The following SPATA6L variants were observed in gnomAD, a reference collection of about 807,000 sequenced individuals.
SPATA6L encodes spermatogenesis associated 6-like protein.
SPATA6L carries 68 observed loss-of-function variants against 49.2 expected under a neutral mutation model. The observed-to-expected ratio is 1.38, with a 90% CI of 1.14 to 1.69. SPATA6L has a LOEUF of 1.69. Ranked by LOEUF, SPATA6L falls within the 40% of genes most tolerant of loss-of-function variation. SPATA6L has a pLI of 0.00. For synonymous variants in SPATA6L, 198 were observed against 165.7 expected (o/e 1.19, Z -1.50); for missense variants, 668 against 464.3 (o/e 1.44, Z -4.03).
At chr9:4,635,232 G>C (rs16921669) in intron 4 of SPATA6L, 43 bp downstream of exon 4, 1 of 1,469,920 alleles carries the variant, frequency 6.8e-7, no homozygotes, top group Non-Finnish European at 8.9e-7. Context: ...GGTCCCAAGA[G>C]TTTCTCTCCT....
At chr9:4,609,396 A>C (rs185237444) in intron 9 of SPATA6L, among the ~76,000 whole-genome samples, 46 of 152,352 alleles carry the variant, frequency 3.0e-4, no homozygotes, top group East Asian at 1.3e-3. Context: ...AAAATTCCCC[A>C]AAAAATACTG....
chr9:4,633,923 G>T (rs1315142931), intron 4 of SPATA6L, among the ~76,000 whole-genome samples: 2 of 152,110 alleles, frequency 1.3e-5, no homozygotes, highest in African/African-American at 4.8e-5. Context: ...TAAGTTAATT[G>T]TAAGAATACT....
chr9:4,621,870 C>T (rs1444275539), intron 7 of SPATA6L, among the ~76,000 whole-genome samples: 2 of 152,160 alleles, frequency 1.3e-5, no homozygotes, highest in African/African-American at 2.4e-5. Flanking sequence ...TCAAGAAAAG[C>T]TCTTTGGGCT....
At chr9:4,618,219 T>A in intron 8 of SPATA6L, 109 bp from the exon 9 acceptor site, 1 of 898,192 alleles carries the variant, frequency 1.1e-6, no homozygotes, top group Non-Finnish European at 1.7e-6. Flanking sequence ...GATGACAGAA[T>A]ATTTGCCCCA....
chr9:4,619,934 A>G (rs1828884027), intron 7 of SPATA6L, among the ~76,000 whole-genome samples: 1 of 152,186 alleles, frequency 6.6e-6, no homozygotes, highest in Non-Finnish European at 1.5e-5. Flanking sequence ...TTGTAAGGCA[A>G]TTCTAAGGTC....
Position 4,600,730 on chromosome 9 carries a change from T to C in SPATA6L, c.*81A>G, listed in dbSNP as rs1364248682. ...GTGACTCAACACAGACAACAAAAAG[T>C]GTTCATTTCTTTAAGGATGCTTCAA... On this transcript the variant is annotated 3_prime_UTR_variant, in exon 12 of 12. Transcript: ENST00000682582. The C allele has an allele frequency of 6.6e-6, 1 of 152,176 alleles. No individual in the cohort carries two copies. Among genetic ancestry groups the C allele is most frequent in the African/African-American group, 2.4e-5 (1 of 41,444 alleles). The allele number at this position is 152,176 out of a possible 1,614,324, so 9.4% of individuals were successfully genotyped here.
chr9:4,596,648 C>G (rs1436704477), downstream of SPATA6L: 1 of 152,208 alleles, frequency 6.6e-6, no homozygotes. Flanking sequence ...GAAAGCCTCT[C>G]TTGTTGGCCT....
intron 6 of SPATA6L, among the ~76,000 whole-genome samples, chr9:4,623,216 A>C (rs945024703): frequency 2.0e-5 from 3 of 152,108 alleles, no homozygotes; most frequent in African/African-American, 7.2e-5. Flanking sequence ...GGAGGCGAAG[A>C]TTGCGGTGAG....
intron 9 of SPATA6L, among the ~76,000 whole-genome samples, chr9:4,606,268 C>T (rs202223601): frequency 2.8e-5 from 4 of 141,158 alleles, no homozygotes; most frequent in African/African-American, 8.0e-5. Context: ...ACAAAGCAGC[C>T]GGAAGCTCCA....
rs777227399 is a variant in SPATA6L, at chr9:4,625,343, G to A, written c.653C>T (p.Pro218Leu). Residue 218 changes from proline (P) to leucine (L), a missense_variant, in exon 6 of 12, where the codon CCA becomes CTA. By Grantham distance (98) the Pro-to-Leu change is moderately conservative. Transcript: ENST00000682582. ...NFKISGGSKP[P>L]FVVRHVDSAK... Reference sequence around the variant, plus strand: ...TAGGCTCACGTGTCTAACAACAAATGGAGGCTTGCTTCCTCCAGAGATTTT... The same window carrying A: ...TAGGCTCACGTGTCTAACAACAAATAGAGGCTTGCTTCCTCCAGAGATTTT... 1.2e-6 allele frequency: 2 copies of A among 1,613,014 alleles called. No individual in the cohort carries two copies. The highest frequency in any genetic ancestry group is 1.7e-6 in the Non-Finnish European group (2 of 1,179,492).
intron 11 of SPATA6L, among the ~76,000 whole-genome samples, chr9:4,602,669 C>A (rs1356227992): frequency 6.6e-6 from 1 of 152,206 alleles, no homozygotes; most frequent in Non-Finnish European, 1.5e-5. Flanking sequence ...AAGGCCAATG[C>A]CCACGAACTC....
chr9:4,629,770 T>TATATATAC (rs1491281488), intron 4 of SPATA6L, among the ~76,000 whole-genome samples: 1 of 44,256 alleles, frequency 2.3e-5, no homozygotes, highest in African/African-American at 1.2e-4. Context: ...TGTGTGTGTG[T>TATATATAC]ATATATATAT....
At chr9:4,603,957 C>A (rs1029128849) in intron 11 of SPATA6L, among the ~76,000 whole-genome samples, 1 of 152,076 alleles carries the variant, frequency 6.6e-6, no homozygotes, top group Non-Finnish European at 1.5e-5. Context: ...GGTGATGTTG[C>A]GGGCAGGGGA....
chr9:4,628,029 A>C, intron 5 of SPATA6L: 1 of 352,490 alleles, frequency 2.8e-6, no homozygotes, highest in East Asian at 8.1e-5. Flanking sequence ...ATTCTCACTT[A>C]TTTGTGGGAG....
At chr9:4,622,564 T>G in intron 6 of SPATA6L, 54 bp from the exon 7 acceptor site, 2 of 1,230,286 alleles carry the variant, frequency 1.6e-6, no homozygotes, top group Admixed American at 3.8e-5. Context: ...TCTAGTACCC[T>G]CCCCTCGTTA....
At chr9:4,658,019 C>G (rs546137441) in intron 2 of SPATA6L, among the ~76,000 whole-genome samples, 39 of 152,224 alleles carry the variant, frequency 2.6e-4, no homozygotes, top group African/African-American at 9.2e-4. Flanking sequence ...TACACTGCCA[C>G]AAGCCAAGGA....
At position 4,618,877 on chromosome 9, in the gene SPATA6L, G is replaced by A. The variant is rs771261299; in HGVS notation, c.794C>T (p.Ala265Val). 2 of 1,612,996 alleles carry A rather than the reference G, an allele frequency of 1.2e-6. No homozygotes were observed. Among genetic ancestry groups the A allele is most frequent in the Non-Finnish European group, 1.7e-6 (2 of 1,179,274 alleles). The change falls in exon 8 of 12, where the codon GCA becomes GTA. Residue 265 changes from alanine (A) to valine (V), a missense_variant. By Grantham distance (64) the Ala-to-Val change is moderately conservative (BLOSUM62 0). Coordinates refer to ENST00000682582, the MANE Select transcript of SPATA6L (RefSeq NM_001353486.2). Reference protein sequence around the residue: ...TRRASSLDSLAANVKVIKEPD... With the variant: ...TRRASSLDSLVANVKVIKEPD... Reference sequence around the variant, plus strand: ...TTCTAAAATTACCTTTACGTTAGCTGCAAGGCTGTCAAGAGAAGAAGCTAG... The same window carrying A: ...TTCTAAAATTACCTTTACGTTAGCTACAAGGCTGTCAAGAGAAGAAGCTAG...
At chr9:4,594,249 A>G (rs1407485077), downstream of SPATA6L, among the ~76,000 whole-genome samples, 7 of 152,040 alleles carry the variant, frequency 4.6e-5, no homozygotes, top group Non-Finnish European at 1.0e-4. Flanking sequence ...TCGCTCTGTC[A>G]CCCAGGCTGG....
chr9:4,655,396 T>TC (rs1314488465), intron 3 of SPATA6L, among the ~76,000 whole-genome samples: 4 of 152,138 alleles, frequency 2.6e-5, no homozygotes, highest in African/African-American at 9.7e-5. Flanking sequence ...TGGTGGGGAA[T>TC]AGGGAGTGAT....
Sources: gnomAD v4.1 joint callset for allele counts (sites outside exome capture counted in the v4.1 genomes callset) on GRCh38, gnomAD v4.1.1 for gene constraint, MANE v1.5 for transcripts, NCBI Gene and HGNC (gene_info 2026-07-23, HGNC 2026-07-21) for gene names.